Variants in TEX38 observed in about 807,000 individuals in gnomAD.
The protein encoded by TEX38 is testis expressed 38.
A neutral mutation model predicts 2.7 loss-of-function variants in TEX38; 5 were observed. The observed-to-expected ratio is 1.86, with a 90% confidence interval of 0.97 to 3.90. TEX38 has a LOEUF of 3.90. TEX38 is among the 30% of genes most tolerant of loss of function. The pLI is 0.00. For missense variants in TEX38, 218 were observed against 247.9 expected, an observed-to-expected ratio of 0.88 and a Z score of 0.81; for synonymous variants, 110 against 103.3, an observed-to-expected ratio of 1.06 and a Z score of -0.39.
upstream of TEX38, among the ~76,000 whole-genome samples, chr1:46,670,493 A>G (rs369432317): frequency 6.6e-6 from 1 of 152,310 alleles, no homozygotes; most frequent in South Asian, 2.1e-4. Flanking sequence ...GTATTTGGGT[A>G]TGAGTCTAAA....
Position 46,673,468 on chromosome 1 carries a change from T to G in TEX38, c.*12T>G. 6.5e-7 allele frequency: 1 copy of G among 1,534,268 alleles called. No homozygotes were observed. The highest frequency in any genetic ancestry group is 1.2e-5 in the South Asian group (1 of 82,244). ...CTTCAGAACTGTAGCCTCCTCTCAC[T>G]GAAGGTGGGAGCTGCAGGAATCAGG... On this transcript the variant is annotated 3_prime_UTR_variant, in exon 2 of 2. Transcript: ENST00000334122.
upstream of TEX38, among the ~76,000 whole-genome samples, chr1:46,670,185 T>A (rs984639836): frequency 1.3e-5 from 2 of 152,066 alleles, no homozygotes; most frequent in Non-Finnish European, 2.9e-5. Context: ...AAGTGAGAGA[T>A]GGTGGTACTT....
chr1:46,670,049 T>C (rs1223970703), upstream of TEX38, among the ~76,000 whole-genome samples: 2 of 152,056 alleles, frequency 1.3e-5, no homozygotes, highest in African/African-American at 4.8e-5. Context: ...CTCCCAAGGG[T>C]GACTAATTTA....
Position 46,673,500 on chromosome 1 carries a change from G to A in TEX38, c.*44G>A. The A allele has an allele frequency of 1.3e-6, 2 of 1,482,706 alleles. No individual in the cohort carries two copies. The highest frequency in any genetic ancestry group is 1.8e-6 in the Non-Finnish European group (2 of 1,105,036). 91.8% of individuals were successfully genotyped at this position (1,482,706 alleles called of 1,614,324 possible). ...GGGAGCTGCAGGAATCAGGTGCAGA[G>A]TAGGAAATGGAACTAACCTCAGGAA... On this transcript the variant is annotated 3_prime_UTR_variant, in exon 2 of 2. Transcript: ENST00000334122.
At position 46,673,417 on chromosome 1, in the gene TEX38, C is replaced by A; in HGVS notation, c.582C>A (p.Asp194Glu). The change falls in exon 2 of 2, where the codon GAC (aspartate) becomes GAA (glutamate). Residue 194 changes from aspartate (D) to glutamate (E), a missense_variant. Coordinates refer to ENST00000334122, the MANE Select transcript of TEX38 (RefSeq NM_001145474.4). ...FHSLLNLAQEDHSFNAKPFPS... is the reference protein window; with the variant it reads ...FHSLLNLAQEEHSFNAKPFPS... Reference sequence around the variant, plus strand: ...CCCTCCTGAATCTGGCCCAGGAAGACCATAGCTTCAATGCCAAGCCTTTTC... The same window carrying A: ...CCCTCCTGAATCTGGCCCAGGAAGAACATAGCTTCAATGCCAAGCCTTTTC... 1 of 1,551,860 alleles carries A rather than the reference C, an allele frequency of 6.4e-7. No individual in the cohort carries two copies. Among genetic ancestry groups the A allele is most frequent in the Non-Finnish European group, 8.7e-7 (1 of 1,146,958 alleles).
upstream of TEX38, chr1:46,671,841 T>C: frequency 7.5e-7 from 1 of 1,326,688 alleles, no homozygotes; most frequent in Non-Finnish European, 1.1e-6. Context: ...CTGGAGACTC[T>C]GATTGGCTGG....
upstream of TEX38, chr1:46,669,152 T>C: frequency 3.8e-6 from 1 of 261,786 alleles, no homozygotes; most frequent in Non-Finnish European, 7.9e-6. Context: ...GACATTAACA[T>C]CTCTGTGTCC....
At chr1:46,672,498 G>A (rs1676601703) in intron 1 of TEX38, among the ~76,000 whole-genome samples, 3 of 152,184 alleles carry the variant, frequency 2.0e-5, no homozygotes, top group Admixed American at 1.3e-4. Context: ...GCCCACCTGG[G>A]CCTCACAAAG....
chr1:46,673,245 A>G lies in TEX38; in HGVS notation c.410A>G (p.Gln137Arg), dbSNP rs1446192486. The change falls in exon 2 of 2, where the codon CAG becomes CGG. Residue 137 changes from glutamine to arginine, a missense_variant. Transcript: ENST00000334122. ...CAACCTGCACTGCAGCTGGCTCCAC[A>G]GCAGCCCCAGGCCAGATCCCCATTC... ...PLQPALQLAP[Q>R]QPQARSPFPL... The G allele has an allele frequency of 1.9e-6, 3 of 1,551,150 alleles. No individual in the cohort carries two copies. The highest frequency in any genetic ancestry group is 2.6e-6 in the Non-Finnish European group (3 of 1,146,736).
chr1:46,669,873 G>A (rs927223147), upstream of TEX38, among the ~76,000 whole-genome samples: 3 of 152,194 alleles, frequency 2.0e-5, no homozygotes, highest in Non-Finnish European at 4.4e-5. Flanking sequence ...GGTATAGGGA[G>A]GGCTAGTTAG....
At chr1:46,672,686 G>A (rs1173735359) in intron 1 of TEX38, among the ~76,000 whole-genome samples, 187 bp from the exon 2 acceptor site, 1 of 152,176 alleles carries the variant, frequency 6.6e-6, no homozygotes, top group East Asian at 1.9e-4. Flanking sequence ...AAGCTCCCTG[G>A]AAATCTAGCT....
At chr1:46,670,404 G>A (rs1393207851), upstream of TEX38, among the ~76,000 whole-genome samples, 1 of 152,170 alleles carries the variant, frequency 6.6e-6, no homozygotes. Flanking sequence ...AGACTTTGGA[G>A]GATGGATAAT....
upstream of TEX38, among the ~76,000 whole-genome samples, chr1:46,669,844 G>C (rs181714222): frequency 1.3e-5 from 2 of 152,306 alleles, no homozygotes; most frequent in African/African-American, 4.8e-5. Context: ...GGGCACAGCA[G>C]CAGAAATGAG....
chr1:46,673,102 C>A lies in TEX38; in HGVS notation c.267C>A (p.Val89=), dbSNP rs1452306664. The change falls in exon 2 of 2, where the codon GTC becomes GTA. Residue 89 remains valine (V), a synonymous_variant. Transcript: ENST00000334122. ...AAINTGPAPA[V]TKTETEVQNP... ...TCAACACGGGCCCTGCCCCTGCTGT[C>A]ACCAAGACTGAGACTGAGGTCCAGA... 6.4e-7 allele frequency: 1 copy of A among 1,551,808 alleles called. No homozygotes were observed. Among genetic ancestry groups the A allele is most frequent in the South Asian group, 1.2e-5 (1 of 84,058 alleles).
chr1:46,672,073 C>T (rs1344988828), intron 1 of TEX38, 102 bp downstream of exon 1: 1 of 1,214,472 alleles, frequency 8.2e-7, no homozygotes, highest in African/African-American at 1.5e-5. Flanking sequence ...GCCTGGCTGC[C>T]TGGAGGAGAG....
chr1:46,671,471 G>C (rs1459046261), upstream of TEX38, among the ~76,000 whole-genome samples: 1 of 152,196 alleles, frequency 6.6e-6, no homozygotes, highest in African/African-American at 2.4e-5. Context: ...TGCCAACTTG[G>C]TTAGATACTT....
upstream of TEX38, chr1:46,671,815 A>G: frequency 9.6e-7 from 1 of 1,041,114 alleles, no homozygotes; most frequent in Non-Finnish European, 1.5e-6. Context: ...TTTAGAGAAC[A>G]AAGGGCCTGG....
In TEX38 at chr1:46,671,933, G is replaced by A. The variant is rs528915381; in HGVS notation, c.-2G>A. 10 of 1,550,138 alleles carry A rather than the reference G, an allele frequency of 6.5e-6. No homozygotes were observed. The East Asian group carries it at 2.0e-4, about 30-fold the overall frequency. On this transcript the variant is annotated 5_prime_UTR_variant, in exon 1 of 2. Coordinates refer to ENST00000334122, the MANE Select transcript of TEX38 (RefSeq NM_001145474.4). ...ATCGGCCAGGTACCAAAGCTCAGCT[G>A]TATGGATTCCCAACAGGAGGACCTG...
chr1:46,669,721 C>T (rs1320682234), upstream of TEX38, among the ~76,000 whole-genome samples: 1 of 152,122 alleles, frequency 6.6e-6, no homozygotes, highest in Non-Finnish European at 1.5e-5. Context: ...TAAGGGGACA[C>T]TTGAGCAGAG....
Sources: gnomAD v4.1 joint callset for allele counts (sites outside exome capture counted in the v4.1 genomes callset) on GRCh38, gnomAD v4.1.1 for gene constraint, MANE v1.5 for transcripts, NCBI Gene and HGNC (gene_info 2026-07-23, HGNC 2026-07-21) for gene names.